Variants in MGAT3 observed in about 807,000 individuals in gnomAD.
The protein encoded by MGAT3 is GlcNAc-T III.
In MGAT3, 9 loss-of-function variants were observed where a neutral mutation model predicts 29.8. That is an observed-to-expected ratio of 0.30 (90% CI 0.18 to 0.53). The LOEUF (loss-of-function observed/expected upper bound fraction) is 0.53. Ranked by LOEUF, MGAT3 falls within the 20% of genes least tolerant of loss-of-function variation. The pLI is 0.96. For synonymous variants in MGAT3, 397 were observed against 348.9 expected (o/e 1.14, Z -1.54); for missense variants, 557 against 769.5 (o/e 0.72, Z 3.27).
rs570213206 is a variant in MGAT3, at chr22:39,488,718, C to T, written c.1371C>T (p.Gly457=). ...AGCGGGACCTGAACTACATCCGCGG[C>T]CTGATCCGCACCGGGGGCTGGTTCG... ...EDKRDLNYIR[G]LIRTGGWFDG... The change falls in exon 2 of 2, where the codon GGC becomes GGT. Residue 457 remains glycine (G), a synonymous_variant. Coordinates refer to ENST00000341184, the MANE Select transcript of MGAT3 (RefSeq NM_002409.5). The T allele has an allele frequency of 3.2e-5, 52 of 1,613,794 alleles. No individual in the cohort carries two copies. Among genetic ancestry groups the T allele is most frequent in the South Asian group, 2.5e-4 (23 of 91,078 alleles).
chr22:39,465,760 C>T (rs551084225), intron 1 of MGAT3, among the ~76,000 whole-genome samples: 32 of 151,946 alleles, frequency 2.1e-4, no homozygotes, highest in South Asian at 8.3e-4. Flanking sequence ...GGTGAAGCCC[C>T]GTCTCTACTA....
intron 1 of MGAT3, among the ~76,000 whole-genome samples, chr22:39,473,434 C>CA (rs1928867040): frequency 1.3e-5 from 2 of 152,208 alleles, no homozygotes; most frequent in South Asian, 4.1e-4. Context: ...TTATCAGGAA[C>CA]AATAACTAAC....
Position 39,491,638 on chromosome 22 carries a change from T to C in MGAT3, c.*2689T>C, listed in dbSNP as rs538719842. ...AGCAGCAGGAGTGAAGGCCTGGCCA[T>C]CGGTGGAGAGGGCAGCTGTCAGAGG... On this transcript the variant is annotated 3_prime_UTR_variant, in exon 2 of 2. Coordinates refer to ENST00000341184, the MANE Select transcript of MGAT3 (RefSeq NM_002409.5). This position sits in a 1 kb window ranked among gnomAD's most constrained non-coding sequence, Gnocchi z 5.5. The C allele has an allele frequency of 6.0e-6, 1 of 167,086 alleles. No homozygotes were observed. The highest frequency in any genetic ancestry group is 6.5e-5 in the Admixed American group (1 of 15,278). 10.4% of individuals were successfully genotyped at this position (167,086 alleles called of 1,614,324 possible).
intron 1 of MGAT3, among the ~76,000 whole-genome samples, chr22:39,480,910 C>G (rs1444638736): frequency 1.3e-5 from 2 of 152,240 alleles, no homozygotes; most frequent in African/African-American, 2.4e-5. Context: ...ACCCTACAAC[C>G]TGGTGGAAGC....
At chr22:39,470,897 T>G (rs1928790306) in intron 1 of MGAT3, among the ~76,000 whole-genome samples, 1 of 152,038 alleles carries the variant, frequency 6.6e-6, no homozygotes, top group African/African-American at 2.4e-5. Flanking sequence ...CCCTTTTGAG[T>G]CTAGACTCCA....
At chr22:39,473,050 T>C (rs1569001800) in intron 1 of MGAT3, among the ~76,000 whole-genome samples, 1 of 152,268 alleles carries the variant, frequency 6.6e-6, no homozygotes, top group East Asian at 1.9e-4. Context: ...AACTTCGGTT[T>C]TCTCCTCTGT....
intron 1 of MGAT3, among the ~76,000 whole-genome samples, chr22:39,482,085 C>A (rs768784453): frequency 5.9e-5 from 9 of 152,062 alleles, no homozygotes; most frequent in Non-Finnish European, 8.8e-5. Context: ...TCCCAAGTAG[C>A]TAGAACTACA....
intron 1 of MGAT3, among the ~76,000 whole-genome samples, chr22:39,465,598 T>A (rs1928620527): frequency 6.6e-6 from 1 of 152,118 alleles, no homozygotes; most frequent in African/African-American, 2.4e-5. Flanking sequence ...AGCACTCAAT[T>A]TCCATATAGT....
chr22:39,482,383 G>C (rs186886858), intron 1 of MGAT3, among the ~76,000 whole-genome samples: 1 of 152,346 alleles, frequency 6.6e-6, no homozygotes, highest in Non-Finnish European at 1.5e-5. Flanking sequence ...CTGCACTACA[G>C]AGGGATCTGG....
At chr22:39,479,600 A>G (rs1313538606) in intron 1 of MGAT3, among the ~76,000 whole-genome samples, 2 of 152,270 alleles carry the variant, frequency 1.3e-5, no homozygotes, top group Non-Finnish European at 2.9e-5. Flanking sequence ...GTCCCCACCC[A>G]AAGGCTCACT....
chr22:39,486,099 A>T, intron 1 of MGAT3: 1 of 405,350 alleles, frequency 2.5e-6, no homozygotes, highest in Non-Finnish European at 4.7e-6. Flanking sequence ...AAAATATTAA[A>T]TCAAGAATAG....
rs200720328 is a variant in MGAT3, at chr22:39,488,310, C to T, written c.963C>T (p.Ile321=). The T allele has an allele frequency of 6.2e-7, 1 of 1,611,968 alleles. No homozygotes were observed. The highest frequency in any genetic ancestry group is 1.1e-5 in the South Asian group (1 of 91,090). Residue 321 remains isoleucine, a synonymous_variant, in exon 2 of 2, where the codon ATC becomes ATT. Coordinates refer to ENST00000341184, the MANE Select transcript of MGAT3 (RefSeq NM_002409.5). ...DVFIIDDADE[I]PARDGVLFLK... ...TCATCATTGACGATGCGGACGAGAT[C>T]CCGGCCCGTGACGGCGTCCTTTTCC... is the stretch of plus-strand genomic sequence containing the variant.
intron 1 of MGAT3, among the ~76,000 whole-genome samples, chr22:39,466,033 G>T (rs997678260): frequency 6.6e-6 from 1 of 152,296 alleles, no homozygotes; most frequent in African/African-American, 2.4e-5. Context: ...AGCAAAAGGT[G>T]CATGGGGAAG....
Position 39,489,073 on chromosome 22 carries a change from G to A in MGAT3, c.*124G>A, listed in dbSNP as rs1369466291. Reference sequence around the variant, plus strand: ...CCAGGAGTGGGTGGGGAGTGGGGGTGGGGGTAGGGTTTCCCTACTGAAGCC... The same window carrying A: ...CCAGGAGTGGGTGGGGAGTGGGGGTAGGGGTAGGGTTTCCCTACTGAAGCC... On this transcript the variant is annotated 3_prime_UTR_variant, in exon 2 of 2. Transcript: ENST00000341184. The A allele has an allele frequency of 2.9e-5, 34 of 1,155,004 alleles. No individual in the cohort carries two copies. In the Middle Eastern group the frequency reaches 9.1e-4, roughly 31 times the overall value. The allele number at this position is 1,155,004 out of a possible 1,614,324, so 71.5% of individuals were successfully genotyped here.
rs1192912529 is a variant in MGAT3 at position 39,487,807 on chromosome 22, AGCGCCCGGGAGCGCACGGGGGGCCGAG to A, written c.469_495del (p.Glu157_Arg165del). 2 of 1,488,740 alleles carry A rather than the reference AGCGCCCGGGAGCGCACGGGGGGCCGAG, an allele frequency of 1.3e-6. No individual in the cohort carries two copies. The highest frequency in any genetic ancestry group is 1.8e-6 in the Non-Finnish European group (2 of 1,122,488). 92.2% of individuals were successfully genotyped at this position (1,488,740 alleles called of 1,614,324 possible). ...CCGGCGGCCACCCCGGTACCTCCTGAGCGCCCGGGAGCGCACGGGGGGCCGAGGCGCCCGGCGCAAGTGGGTGGAGTG... is the reference window on the plus strand; with the variant it reads ...CCGGCGGCCACCCCGGTACCTCCTGAGCGCCCGGCGCAAGTGGGTGGAGTG... On this transcript the variant is annotated inframe_deletion, in exon 2 of 2. Transcript: ENST00000341184. The surrounding 1 kb of genome is among the most constrained non-coding windows in gnomAD (Gnocchi z 5.7).
rs548225419 is a variant in MGAT3 at position 39,478,461 on chromosome 22, G to A, written c.-1-8886G>A. On this transcript the variant is annotated intron_variant, in intron 1 of 1. Transcript: ENST00000341184. The stretch of plus-strand genomic sequence containing the variant: ...GGTGTTGAGGGGCAGGCGGAGAAGG[G>A]GCCAGAGGGTGGTGGACAGGGGAAC... Among the ~76,000 whole-genome samples, 3 of 152,350 alleles carry A rather than the reference G, an allele frequency of 2.0e-5. No homozygotes were observed. The South Asian group carries it at 6.2e-4, about 32-fold the overall frequency.
At chr22:39,485,236 T>A (rs1246586436) in intron 1 of MGAT3, among the ~76,000 whole-genome samples, 2 of 152,194 alleles carry the variant, frequency 1.3e-5, no homozygotes, top group African/African-American at 4.8e-5. Context: ...CTGGCTCGCC[T>A]GCCCACCTGC....
rs1928382710 is a variant in MGAT3, at chr22:39,457,900, C to G, written c.-2+343C>G. Among the ~76,000 whole-genome samples the G allele has an allele frequency of 6.6e-6, 1 of 151,648 alleles. No homozygotes were observed. The highest frequency in any genetic ancestry group is 6.6e-5 in the Admixed American group (1 of 15,234). On this transcript the variant is annotated intron_variant, in intron 1 of 1. Transcript: ENST00000341184. The surrounding 1 kb of genome is among the most constrained non-coding windows in gnomAD (Gnocchi z 6.8). Reference sequence around the variant, plus strand: ...CGAGCCGTGCTTTGTGCGCGGCACCCCCCAGCCTCCGGCGCGGCTCCCCCA... The same window carrying G: ...CGAGCCGTGCTTTGTGCGCGGCACCGCCCAGCCTCCGGCGCGGCTCCCCCA...
At position 39,470,050 on chromosome 22, in the gene MGAT3, G is replaced by T. The variant is rs145692065; in HGVS notation, c.-2+12493G>T. On this transcript the variant is annotated intron_variant, in intron 1 of 1. Coordinates refer to ENST00000341184, the MANE Select transcript of MGAT3 (RefSeq NM_002409.5). ...GACTGTTCCATGTCATCCAGCAGCT[G>T]TCCCTGCAGTGCATGCTCCAGGGCT... Among the ~76,000 whole-genome samples the T allele has an allele frequency of 3.9e-3, 594 of 152,366 alleles. 2 individuals carry two copies. Among genetic ancestry groups the T allele is most frequent in the African/African-American group, 0.014 (576 of 41,584 alleles).
Sources: allele counts gnomAD v4.1 joint callset (sites outside exome capture counted in the v4.1 genomes callset), GRCh38; gene constraint gnomAD v4.1.1; non-coding constraint Gnocchi (gnomAD v3.1); transcripts MANE v1.5; gene names NCBI Gene and HGNC (gene_info 2026-07-23, HGNC 2026-07-21).